Variants in FSIP1 observed in about 807,000 individuals in gnomAD.
FSIP1 encodes the protein fibrous sheath interacting protein 1.
A neutral mutation model predicts 60.9 loss-of-function variants in FSIP1; 65 were observed. The ratio of observed to expected loss-of-function variants is 1.07; its 90% CI spans 0.87 to 1.31. The LOEUF (loss-of-function observed/expected upper bound fraction) is 1.31. FSIP1 is among the 40% of genes most tolerant of loss of function. The pLI is 0.00. For missense variants in FSIP1, 675 were observed against 665.5 expected, an observed-to-expected ratio of 1.01 and a Z score of -0.16; for synonymous variants, 209 against 221.2, an observed-to-expected ratio of 0.94 and a Z score of 0.49.
At position 39,711,368 on chromosome 15, in the gene FSIP1, A is replaced by T. The variant is rs150531612; in HGVS notation, c.1188+2076T>A. On this transcript the variant is annotated intron_variant, in intron 10 of 11. Transcript: ENST00000350221. ...CACTCACGAGGGCTTCACTGACATG[A>T]CCTAATCACTTGCCCAAATTCCCCA... 1.0e-3 allele frequency among the ~76,000 whole-genome samples: 155 copies of T among 152,130 alleles called. 1 individual carries two copies. The East Asian group carries it at 0.021, about 21-fold the overall frequency.
At chr15:39,712,820 A>G (rs1391396795) in intron 10 of FSIP1, among the ~76,000 whole-genome samples, 1 of 152,220 alleles carries the variant, frequency 6.6e-6, no homozygotes, top group Non-Finnish European at 1.5e-5. Context: ...GTTGAGCAAG[A>G]AAAACATGAA....
chr15:39,605,448 T>C (rs1428329895), intron 11 of FSIP1, among the ~76,000 whole-genome samples: 1 of 152,236 alleles, frequency 6.6e-6, no homozygotes. Context: ...CCAGGGATCT[T>C]ATTAAAATGA....
intron 5 of FSIP1, among the ~76,000 whole-genome samples, chr15:39,762,270 C>T (rs989228265): frequency 2.0e-5 from 3 of 152,192 alleles, no homozygotes; most frequent in Non-Finnish European, 2.9e-5. Context: ...GTCAGCAGAG[C>T]ATTCCTTCCG....
chr15:39,749,642 A>C (rs1350695346), intron 5 of FSIP1, among the ~76,000 whole-genome samples: 1 of 152,058 alleles, frequency 6.6e-6, no homozygotes, highest in Non-Finnish European at 1.5e-5. Flanking sequence ...AAAACTCTCA[A>C]GAGTTTAGGT....
chr15:39,729,272 T>C (rs1896315080), intron 8 of FSIP1, among the ~76,000 whole-genome samples: 1 of 152,160 alleles, frequency 6.6e-6, no homozygotes, highest in African/African-American at 2.4e-5. Flanking sequence ...CATTCTACCA[T>C]AAAGACATAT....
chr15:39,780,178 C>T (rs969482393), intron 1 of FSIP1, among the ~76,000 whole-genome samples: 35 of 152,220 alleles, frequency 2.3e-4, no homozygotes, highest in African/African-American at 8.2e-4. Flanking sequence ...CTCCCCAACG[C>T]AGACACACAT....
chr15:39,781,640 A>C (rs933355027), intron 1 of FSIP1, among the ~76,000 whole-genome samples: 7 of 152,358 alleles, frequency 4.6e-5, no homozygotes, highest in Middle Eastern at 3.4e-3. Flanking sequence ...ACTCAGCAAC[A>C]TAAAGGAACA....
At chr15:39,654,854 T>A (rs2140441691) in intron 10 of FSIP1, among the ~76,000 whole-genome samples, 1 of 152,318 alleles carries the variant, frequency 6.6e-6, no homozygotes, top group East Asian at 1.9e-4. Context: ...TATCTTCTGA[T>A]CATGTAAATT....
rs1445866316 is a variant in FSIP1, at chr15:39,763,850, G to C, written c.530C>G (p.Ser177Cys). The C allele has an allele frequency of 6.3e-7, 1 of 1,595,520 alleles. No homozygotes were observed. Among genetic ancestry groups the C allele is most frequent in the Non-Finnish European group, 8.6e-7 (1 of 1,163,832 alleles). The change falls in exon 5 of 12, where the codon TCT becomes TGT. Residue 177 changes from serine to cysteine, a missense_variant. By Grantham distance (112) the Ser-to-Cys change is moderately radical. Coordinates refer to ENST00000350221, the MANE Select transcript of FSIP1 (RefSeq NM_152597.5). ...EEMENTKKFL[S>C]LTAVSEETVG... The stretch of plus-strand genomic sequence containing the variant: ...AGTTTCTTCAGAAACAGCAGTCAAA[G>C]ATAAAAATTTTTTTGTATTTTCCAT...
In FSIP1 at chr15:39,770,506, A is replaced by G; in HGVS notation, c.231T>C (p.Ser77=). 3.1e-6 allele frequency: 5 copies of G among 1,611,892 alleles called. No homozygotes were observed. Among genetic ancestry groups the G allele is most frequent in the Non-Finnish European group, 4.2e-6 (5 of 1,179,608 alleles). Residue 77 remains serine, a synonymous_variant, in exon 3 of 12, where the codon TCT becomes TCC. Transcript: ENST00000350221. ...TSNDDKQESC[S]EKIKLAEEGS... Reference sequence around the variant, plus strand: ...CCTCTTCAGCCAATTTTATTTTCTCAGAGCAGCTTTCCTGCTTATCATCAT... The same window carrying G: ...CCTCTTCAGCCAATTTTATTTTCTCGGAGCAGCTTTCCTGCTTATCATCAT...
chr15:39,617,969 T>C lies in FSIP1; in HGVS notation c.1465A>G (p.Thr489Ala). The C allele has an allele frequency of 6.2e-7, 1 of 1,614,246 alleles. No individual in the cohort carries two copies. The highest frequency in any genetic ancestry group is 1.6e-4 in the Middle Eastern group (1 of 6,062). Residue 489 changes from threonine (T) to alanine (A), a missense_variant, in exon 11 of 12, where the codon ACT becomes GCT. Physicochemically the swap from Thr to Ala is moderately conservative, Grantham distance 58 (BLOSUM62 0). Transcript: ENST00000350221. Reference protein sequence around the residue: ...SKGYYLTKALTGHNMSEALVT... With the variant: ...SKGYYLTKALAGHNMSEALVT... ...AGAGCTTCTGACATGTTATGTCCAG[T>C]CAAGGCTTTAGTGAGATAGTAGCCT... is the stretch of plus-strand genomic sequence containing the variant.
At chr15:39,598,583 G>A (rs1341027834), downstream of FSIP1, 1 of 152,186 alleles carries the variant, frequency 6.6e-6, no homozygotes, top group East Asian at 1.9e-4. Context: ...GACAGAAAAA[G>A]TGACTGGAAA....
At chr15:39,609,742 A>G (rs1031217476) in intron 11 of FSIP1, among the ~76,000 whole-genome samples, 6 of 152,226 alleles carry the variant, frequency 3.9e-5, no homozygotes, top group Non-Finnish European at 8.8e-5. Context: ...GCCAGGGAAA[A>G]CAACATGCAA....
At chr15:39,741,944 T>C in intron 5 of FSIP1, 44 bp from the exon 6 acceptor site, 1 of 1,035,856 alleles carries the variant, frequency 9.7e-7, no homozygotes, top group African/African-American at 1.6e-5. Flanking sequence ...ACAAAATAAA[T>C]TAAGTAGTTG....
At chr15:39,731,385 G>A (rs888937671) in intron 8 of FSIP1, among the ~76,000 whole-genome samples, 22 of 151,898 alleles carry the variant, frequency 1.4e-4, no homozygotes, top group African/African-American at 5.3e-4. Flanking sequence ...CTAAATAAAA[G>A]TGATGTCAAT....
intron 8 of FSIP1, among the ~76,000 whole-genome samples, chr15:39,736,871 C>G (rs892783108): frequency 6.6e-6 from 1 of 152,174 alleles, no homozygotes; most frequent in Admixed American, 6.5e-5. Context: ...GGAGGACACA[C>G]TGCACCAGAG....
intron 8 of FSIP1, among the ~76,000 whole-genome samples, chr15:39,731,776 C>T (rs1896413698): frequency 6.6e-6 from 1 of 152,110 alleles, no homozygotes; most frequent in Non-Finnish European, 1.5e-5. Context: ...ACTAAGGGTC[C>T]ACCACCAGAC....
intron 10 of FSIP1, among the ~76,000 whole-genome samples, chr15:39,708,706 G>T (rs1331127226): frequency 1.3e-5 from 2 of 151,996 alleles, no homozygotes; most frequent in Non-Finnish European, 1.5e-5. Flanking sequence ...TCCTCATCTT[G>T]GTCACTCTAA....
chr15:39,767,719 G>A (rs1897741039), intron 3 of FSIP1, among the ~76,000 whole-genome samples: 1 of 152,170 alleles, frequency 6.6e-6, no homozygotes, highest in African/African-American at 2.4e-5. Context: ...ATGCGAAGGT[G>A]AGTTCAGCCA....
Sources: allele counts gnomAD v4.1 joint callset (sites outside exome capture counted in the v4.1 genomes callset), GRCh38; gene constraint gnomAD v4.1.1; transcripts MANE v1.5; gene names NCBI Gene and HGNC (gene_info 2026-07-23, HGNC 2026-07-21).